Variants in CDH4 observed in about 807,000 individuals in gnomAD.
The protein encoded by CDH4 is cadherin-4.
Under a neutral mutation model 86.0 loss-of-function variants are expected in CDH4, and 33 were observed. That is an observed-to-expected ratio of 0.38 (90% CI 0.29 to 0.51). The LOEUF (loss-of-function observed/expected upper bound fraction) is 0.51. Ranked by LOEUF, CDH4 falls within the 20% of genes least tolerant of loss-of-function variation. CDH4 has a pLI of 0.86. For synonymous variants in CDH4, 555 were observed against 549.4 expected (o/e 1.01, Z -0.14); for missense variants, 1,114 against 1,307.4 (o/e 0.85, Z 2.28).
At chr20:61,488,407 C>G (rs373045996) in intron 2 of CDH4, among the ~76,000 whole-genome samples, 1 of 152,162 alleles carries the variant, frequency 6.6e-6, no homozygotes, top group Admixed American at 6.5e-5. Flanking sequence ...GGAGTTCACA[C>G]GGGTCCCCTG....
At chr20:61,471,804 G>T (rs2085505372) in intron 2 of CDH4, among the ~76,000 whole-genome samples, 1 of 152,036 alleles carries the variant, frequency 6.6e-6, no homozygotes, top group South Asian at 2.1e-4. Context: ...TAATTTCCAT[G>T]TGTTTGTATA....
In CDH4 at chr20:61,708,865, C is replaced by T. The variant is rs1306968277; in HGVS notation, c.170-34698C>T. 4.6e-5 allele frequency among the ~76,000 whole-genome samples: 7 copies of T among 152,212 alleles called. No individual in the cohort carries two copies. The highest frequency in any genetic ancestry group is 9.6e-5 in the African/African-American group (4 of 41,460). ...GCAGACGTGCAGAACACCCCGCGTG[C>T]AATCTTTTCCTGGTAATTTAGTTCT... On this transcript the variant is annotated intron_variant, in intron 2 of 15. Coordinates refer to ENST00000614565, the MANE Select transcript of CDH4 (RefSeq NM_001794.5). The surrounding 1 kb of genome is among the most constrained non-coding windows in gnomAD (Gnocchi z 4.5).
At chr20:61,321,880 C>T (rs1341560961) in intron 2 of CDH4, among the ~76,000 whole-genome samples, 1 of 151,938 alleles carries the variant, frequency 6.6e-6, no homozygotes, top group African/African-American at 2.4e-5. Context: ...TGCAGTCTTA[C>T]AATAAGCATA....
intron 2 of CDH4, among the ~76,000 whole-genome samples, chr20:61,285,074 T>TG (rs926162309): frequency 3.7e-5 from 4 of 107,712 alleles, no homozygotes; most frequent in African/African-American, 1.4e-4. Flanking sequence ...CCTTTCCTGT[T>TG]TTTTTTTTTT....
At chr20:61,723,873 C>CAACAGGTGGGGTGGGTCCCCATGCACGG (rs1568778658) in intron 2 of CDH4, among the ~76,000 whole-genome samples, 7 of 151,712 alleles carry the variant, frequency 4.6e-5, no homozygotes, top group Admixed American at 1.3e-4. Flanking sequence ...CGGCTCCATG[C>CAACAGGTGGGGTGGGTCCCCATGCACGG]GGCAGGTGGG....
chr20:61,316,824 T>C (rs1395541722), intron 2 of CDH4, among the ~76,000 whole-genome samples: 1 of 152,138 alleles, frequency 6.6e-6, no homozygotes, highest in African/African-American at 2.4e-5. Context: ...CTGGCCACCC[T>C]TTTTGTTTTA....
In CDH4 at chr20:61,308,616, G is replaced by T. The variant is rs139036328; in HGVS notation, c.169+53679G>T. On this transcript the variant is annotated intron_variant, in intron 2 of 15. Coordinates refer to ENST00000614565, the MANE Select transcript of CDH4 (RefSeq NM_001794.5). ...GCCTGGGAGTGATGGGAAATGAGGAGCACCGGGGCTTACTGTTTGGCACCA... is the reference window on the plus strand; with the variant it reads ...GCCTGGGAGTGATGGGAAATGAGGATCACCGGGGCTTACTGTTTGGCACCA... Among the ~76,000 whole-genome samples the T allele has an allele frequency of 8.3e-4, 127 of 152,334 alleles. 1 individual carries two copies. The highest frequency in any genetic ancestry group is 1.5e-3 in the Non-Finnish European group (100 of 68,028).
chr20:61,594,436 G>C (rs1453783226), intron 2 of CDH4, among the ~76,000 whole-genome samples: 6 of 152,304 alleles, frequency 3.9e-5, no homozygotes, highest in Non-Finnish European at 2.9e-5. Context: ...CCTGGCTCCT[G>C]TCACTGCCAA....
chr20:61,641,390 C>T (rs1402029039), intron 2 of CDH4, among the ~76,000 whole-genome samples: 1 of 151,742 alleles, frequency 6.6e-6, no homozygotes, highest in Non-Finnish European at 1.5e-5. Context: ...CTCCCCACAG[C>T]CCACCGGCCC....
At chr20:61,352,186 A>C (rs1280928568) in intron 2 of CDH4, among the ~76,000 whole-genome samples, 1 of 152,020 alleles carries the variant, frequency 6.6e-6, no homozygotes, top group South Asian at 2.1e-4. Context: ...TTCTTCTCCT[A>C]TCTCCATGAG....
chr20:61,657,312 G>C (rs1303175462), intron 2 of CDH4, among the ~76,000 whole-genome samples: 9 of 152,206 alleles, frequency 5.9e-5, no homozygotes, highest in Admixed American at 5.2e-4. Context: ...GCAGAAGGAG[G>C]CTCTGCTCCC....
chr20:61,330,844 G>A (rs1437618661), intron 2 of CDH4, among the ~76,000 whole-genome samples: 1 of 152,080 alleles, frequency 6.6e-6, no homozygotes, highest in African/African-American at 2.4e-5. Flanking sequence ...TCTGTGGTTG[G>A]GCTGTACTTG....
intron 2 of CDH4, chr20:61,570,610 G>A (rs1008638929): frequency 3.0e-5 from 21 of 701,778 alleles, no homozygotes; most frequent in Non-Finnish European, 4.7e-5. Flanking sequence ...AAGGGTCCTG[G>A]TGTGTTTGGG....
intron 2 of CDH4, among the ~76,000 whole-genome samples, chr20:61,660,767 G>C (rs959545971): frequency 6.6e-6 from 1 of 152,150 alleles, no homozygotes; most frequent in African/African-American, 2.4e-5. Flanking sequence ...CTTTATACCT[G>C]GTTGTTACAT....
chr20:61,292,836 C>G (rs1568784708), intron 2 of CDH4, among the ~76,000 whole-genome samples: 1 of 152,220 alleles, frequency 6.6e-6, no homozygotes, highest in South Asian at 2.1e-4. Flanking sequence ...GGAGTTGAGT[C>G]CCAGGAAACT....
chr20:61,393,667 G>A lies in CDH4; in HGVS notation c.169+138730G>A, dbSNP rs1171275449. Among the ~76,000 whole-genome samples the A allele has an allele frequency of 6.6e-6, 1 of 152,114 alleles. No individual in the cohort carries two copies. Among genetic ancestry groups the A allele is most frequent in the Non-Finnish European group, 1.5e-5 (1 of 68,024 alleles). ...GGTTGCAGCGAGGATCATCGAAGTAGACCTGGCTGGGTGAGAGTCACTGCA... is the reference window on the plus strand; with the variant it reads ...GGTTGCAGCGAGGATCATCGAAGTAAACCTGGCTGGGTGAGAGTCACTGCA... On this transcript the variant is annotated intron_variant, in intron 2 of 15. Transcript: ENST00000614565. The surrounding 1 kb of genome is among the most constrained non-coding windows in gnomAD (Gnocchi z 4.3).
chr20:61,387,394 A>G (rs1442437380), intron 2 of CDH4, among the ~76,000 whole-genome samples: 12 of 151,622 alleles, frequency 7.9e-5, no homozygotes, highest in Non-Finnish European at 1.5e-4. Flanking sequence ...ATACACATAC[A>G]TATACACAGC....
At chr20:61,529,319 T>C (rs1360311588) in intron 2 of CDH4, among the ~76,000 whole-genome samples, 1 of 152,234 alleles carries the variant, frequency 6.6e-6, no homozygotes, top group Non-Finnish European at 1.5e-5. Context: ...AATGGGGAAC[T>C]CATAATAAAA....
chr20:61,318,580 A>G (rs1293830860), intron 2 of CDH4, among the ~76,000 whole-genome samples: 2 of 152,200 alleles, frequency 1.3e-5, no homozygotes, highest in African/African-American at 4.8e-5. Context: ...CATGCGCTCT[A>G]GAAGGGCACC....
Sources: gnomAD v4.1 joint callset for allele counts (sites outside exome capture counted in the v4.1 genomes callset) on GRCh38, gnomAD v4.1.1 for gene constraint, Gnocchi (gnomAD v3.1) non-coding constraint, MANE v1.5 for transcripts, NCBI Gene and HGNC (gene_info 2026-07-23, HGNC 2026-07-21) for gene names.